Variants in SDK1 observed in about 807,000 individuals in gnomAD.
The protein encoded by SDK1 is protein sidekick-1.
Under a neutral mutation model 245.5 loss-of-function variants are expected in SDK1, and 157 were observed. The observed-to-expected ratio is 0.64, with a 90% CI of 0.56 to 0.73. SDK1 has a LOEUF of 0.73. Ranked by LOEUF, SDK1 falls within the 30% of genes least tolerant of loss-of-function variation. The pLI, the probability that SDK1 is intolerant of heterozygous loss-of-function variation, is 0.00. For missense variants in SDK1, 3,583 were observed against 3,002.3 expected, an observed-to-expected ratio of 1.19 and a Z score of -4.52; for synonymous variants, 1,647 against 1,278.5, an observed-to-expected ratio of 1.29 and a Z score of -6.15.
chr7:4,190,262 C>T (rs1051873814), intron 35 of SDK1, among the ~76,000 whole-genome samples: 2 of 152,168 alleles, frequency 1.3e-5, no homozygotes, highest in Admixed American at 6.5e-5. Context: ...AACCACAGGC[C>T]GCCCCTGTCA....
intron 2 of SDK1, among the ~76,000 whole-genome samples, chr7:3,632,463 G>T (rs1782325289): frequency 6.6e-6 from 1 of 152,096 alleles, no homozygotes; most frequent in Admixed American, 6.6e-5. Flanking sequence ...TCAATAAAAA[G>T]TTATCGAAGA....
intron 1 of SDK1, among the ~76,000 whole-genome samples, chr7:3,587,264 T>C (rs1170004608): frequency 6.6e-6 from 1 of 151,968 alleles, no homozygotes; most frequent in Non-Finnish European, 1.5e-5. Context: ...AAACATTTGC[T>C]GTTTGTATTA....
At chr7:3,578,841 C>G (rs937132722) in intron 1 of SDK1, among the ~76,000 whole-genome samples, 1 of 151,842 alleles carries the variant, frequency 6.6e-6, no homozygotes, top group African/African-American at 2.4e-5. Context: ...GCACTGATTT[C>G]ATATTGTTCA....
At chr7:3,618,963 C>T in intron 1 of SDK1, 117 bp from the exon 2 acceptor site, 3 of 815,466 alleles carry the variant, frequency 3.7e-6, no homozygotes, top group East Asian at 5.5e-5. Context: ...TTGGGCCAAA[C>T]AGCCATCACT....
At chr7:3,603,367 G>A (rs573320860) in intron 1 of SDK1, among the ~76,000 whole-genome samples, 1 of 150,960 alleles carries the variant, frequency 6.6e-6, no homozygotes, top group Non-Finnish European at 1.5e-5. Context: ...TTGAGCAGTG[G>A]TTTGTAGTTC....
chr7:3,829,317 A>G (rs141574643), intron 5 of SDK1, among the ~76,000 whole-genome samples: 1 of 152,340 alleles, frequency 6.6e-6, no homozygotes, highest in Non-Finnish European at 1.5e-5. Flanking sequence ...ATTATAAATC[A>G]CACATGAGAG....
intron 42 of SDK1, among the ~76,000 whole-genome samples, chr7:4,240,732 G>T (rs1275365253): frequency 6.6e-6 from 1 of 152,164 alleles, no homozygotes; most frequent in African/African-American, 2.4e-5. Context: ...GAGCAAATAT[G>T]TACATGGGCC....
rs545112305 is a variant in SDK1 at position 3,701,598 on chromosome 7, C to CA, written c.713+59500dup. Among the ~76,000 whole-genome samples the CA allele has an allele frequency of 1.5e-4, 23 of 151,406 alleles. 1 individual carries two copies. In the East Asian group the frequency reaches 4.5e-3, roughly 29 times the overall value. On this transcript the variant is annotated intron_variant, in intron 4 of 44. Coordinates refer to ENST00000404826, the MANE Select transcript of SDK1 (RefSeq NM_152744.4). ...TGGGTGATAGAGCGAGACCCTGTCTCAAAAAAACCCAAAAATATAAAAGAT... is the reference window on the plus strand; with the variant it reads ...TGGGTGATAGAGCGAGACCCTGTCTCAAAAAAAACCCAAAAATATAAAAGAT...
intron 3 of SDK1, among the ~76,000 whole-genome samples, chr7:3,640,498 A>G (rs76070649): frequency 0.03 from 4,607 of 152,282 alleles, 204 homozygotes; most frequent in African/African-American, 0.099. Context: ...GATGCCGAAG[A>G]ATGTTGCAGA....
At position 4,130,098 on chromosome 7, in the gene SDK1, G is replaced by C; in HGVS notation, c.4129+1G>C. On this transcript the variant is annotated splice_donor_variant, in intron 27 of 44. Transcript: ENST00000404826. LOFTEE classifies it high-confidence loss of function. Reference sequence around the variant, plus strand: ...ATCCTGGAGCGCACCAAAGACGATGGTAGGTCCAGGGTTCGCGCCTTCGGG... The same window carrying C: ...ATCCTGGAGCGCACCAAAGACGATGCTAGGTCCAGGGTTCGCGCCTTCGGG... 1 of 1,597,382 alleles carries C rather than the reference G, an allele frequency of 6.3e-7. No individual in the cohort carries two copies. The highest frequency in any genetic ancestry group is 8.6e-7 in the Non-Finnish European group (1 of 1,168,628).
At chr7:3,413,206 T>C (rs1779261064) in intron 1 of SDK1, among the ~76,000 whole-genome samples, 1 of 152,096 alleles carries the variant, frequency 6.6e-6, no homozygotes, top group South Asian at 2.1e-4. Context: ...TGCGAAGATC[T>C]TGAGCCAAGA....
intron 1 of SDK1, among the ~76,000 whole-genome samples, chr7:3,369,957 T>C (rs1345377754): frequency 1.3e-5 from 2 of 152,222 alleles, no homozygotes; most frequent in East Asian, 1.9e-4. Flanking sequence ...CCTGTGAGTA[T>C]CCGTGGCAGT....
chr7:3,418,496 G>A (rs1779443072), intron 1 of SDK1, among the ~76,000 whole-genome samples: 1 of 151,988 alleles, frequency 6.6e-6, no homozygotes, highest in South Asian at 2.1e-4. Flanking sequence ...CAAAAGTACA[G>A]TCATTTGCTT....
At chr7:3,690,819 G>A (rs1156607867) in intron 4 of SDK1, among the ~76,000 whole-genome samples, 3 of 152,146 alleles carry the variant, frequency 2.0e-5, no homozygotes, top group Admixed American at 2.0e-4. Flanking sequence ...AGACATCCAA[G>A]AAAATTTAAA....
At chr7:3,882,114 C>A (rs1193682832) in intron 5 of SDK1, among the ~76,000 whole-genome samples, 2 of 152,164 alleles carry the variant, frequency 1.3e-5, no homozygotes, top group South Asian at 4.2e-4. Context: ...GGGGAAACTC[C>A]TATAAAATCA....
chr7:3,363,823 A>G lies in SDK1; in HGVS notation c.298+61939A>G, dbSNP rs544738489. ...CCTGCTGTGCAGCCTGGTTCCTAACAGGTCATGGACTGGTAACAGTTGTTG... is the reference window on the plus strand; with the variant it reads ...CCTGCTGTGCAGCCTGGTTCCTAACGGGTCATGGACTGGTAACAGTTGTTG... On this transcript the variant is annotated intron_variant, in intron 1 of 44. Transcript: ENST00000404826. 2.0e-5 allele frequency among the ~76,000 whole-genome samples: 3 copies of G among 152,336 alleles called. No homozygotes were observed. The East Asian group carries it at 5.8e-4, about 29-fold the overall frequency.
At chr7:3,769,593 A>G (rs1001773351) in intron 4 of SDK1, among the ~76,000 whole-genome samples, 2 of 152,170 alleles carry the variant, frequency 1.3e-5, no homozygotes, top group African/African-American at 4.8e-5. Context: ...GAGGGGGCAC[A>G]TATTCAAGCC....
chr7:3,574,492 G>C (rs1159402998), intron 1 of SDK1, among the ~76,000 whole-genome samples: 1 of 152,044 alleles, frequency 6.6e-6, no homozygotes, highest in Non-Finnish European at 1.5e-5. Flanking sequence ...GTAGGTTTAA[G>C]GTAACCAACG....
At chr7:3,340,670 G>A (rs1455189733) in intron 1 of SDK1, among the ~76,000 whole-genome samples, 1 of 151,732 alleles carries the variant, frequency 6.6e-6, no homozygotes, top group African/African-American at 2.4e-5. Context: ...GGCTGAGGCA[G>A]GAGAATGGCA....
Sources: allele counts gnomAD v4.1 joint callset (sites outside exome capture counted in the v4.1 genomes callset), GRCh38; gene constraint gnomAD v4.1.1; transcripts MANE v1.5; gene names NCBI Gene and HGNC (gene_info 2026-07-23, HGNC 2026-07-21).